The following TLL1 variants were observed in gnomAD, a reference collection of about 807,000 sequenced individuals.
TLL1 encodes the protein tolloid like 1.
TLL1 carries 49 observed loss-of-function variants against 128.2 expected under a neutral mutation model. That is an observed-to-expected ratio of 0.38 (90% CI 0.30 to 0.48). The LOEUF is 0.48. Ranked by LOEUF, TLL1 falls within the 20% of genes least tolerant of loss-of-function variation. TLL1 has a pLI of 0.96. For synonymous variants in TLL1, 454 were observed against 418.8 expected (o/e 1.08, Z -1.03); for missense variants, 1,123 against 1,242.0 (o/e 0.90, Z 1.44).
At chr4:165,916,839 T>C (rs1309545092) in intron 1 of TLL1, among the ~76,000 whole-genome samples, 3 of 152,172 alleles carry the variant, frequency 2.0e-5, no homozygotes, top group Non-Finnish European at 4.4e-5. Context: ...CAAGAATTTT[T>C]GCATGAATGC....
At chr4:166,063,259 A>G (rs1321128997) in intron 15 of TLL1, among the ~76,000 whole-genome samples, 1 of 152,202 alleles carries the variant, frequency 6.6e-6, no homozygotes, top group African/African-American at 2.4e-5. Flanking sequence ...ATCACTGGCC[A>G]TCAGAGAAAT....
At position 166,037,033 on chromosome 4, in the gene TLL1, G is replaced by A. The variant is rs117655030; in HGVS notation, c.1159-2306G>A. Among the ~76,000 whole-genome samples, 69 of 152,184 alleles carry A rather than the reference G, an allele frequency of 4.5e-4. 1 individual carries two copies. The East Asian group carries it at 0.011, about 25-fold the overall frequency. ...GAACGTGAGCCCTGGGGGAGTCTCTGTTTGTGTCTATATTCAAGTTTTGCT... is the reference window on the plus strand; with the variant it reads ...GAACGTGAGCCCTGGGGGAGTCTCTATTTGTGTCTATATTCAAGTTTTGCT... On this transcript the variant is annotated intron_variant, in intron 9 of 20. Coordinates refer to ENST00000061240, the MANE Select transcript of TLL1 (RefSeq NM_012464.5).
chr4:165,924,740 T>A (rs1230541854), intron 1 of TLL1, among the ~76,000 whole-genome samples: 3 of 152,166 alleles, frequency 2.0e-5, no homozygotes, highest in African/African-American at 7.2e-5. Flanking sequence ...ATCTAGGACT[T>A]TCATAGTTAG....
chr4:166,024,697 C>CT (rs1560818987), intron 8 of TLL1, among the ~76,000 whole-genome samples: 2 of 151,762 alleles, frequency 1.3e-5, no homozygotes, highest in Non-Finnish European at 2.9e-5. Context: ...ACACAAATTG[C>CT]TTTTTTAGCA....
intron 5 of TLL1, among the ~76,000 whole-genome samples, chr4:165,996,671 A>G (rs1012303344): frequency 1.3e-5 from 2 of 152,152 alleles, no homozygotes; most frequent in African/African-American, 4.8e-5. Context: ...ACACACAATA[A>G]AAGAATGTTA....
intron 1 of TLL1, among the ~76,000 whole-genome samples, chr4:165,923,446 TGA>T (rs1733134201): frequency 1.5e-5 from 2 of 136,136 alleles, no homozygotes; most frequent in Admixed American, 7.6e-5. Context: ...TTTTTTTTTT[TGA>T]GACAGAGTCT....
At position 166,095,274 on chromosome 4, in the gene TLL1, C is replaced by T. The variant is rs113041487; in HGVS notation, c.2656+3933C>T. On this transcript the variant is annotated intron_variant, in intron 19 of 20. Coordinates refer to ENST00000061240, the MANE Select transcript of TLL1 (RefSeq NM_012464.5). ...TCTTTACAAGTCAAAAAAAAGTCCA[C>T]GGAAAATGGACTTAATTGGAAAGAG... Among the ~76,000 whole-genome samples, 135 of 152,100 alleles carry T rather than the reference C, an allele frequency of 8.9e-4. 1 individual carries two copies. Among genetic ancestry groups the T allele is most frequent in the Middle Eastern group, 6.8e-3 (2 of 294 alleles).
chr4:166,098,347 A>AAT (rs1385099881), intron 19 of TLL1, among the ~76,000 whole-genome samples: 8 of 151,542 alleles, frequency 5.3e-5, no homozygotes, highest in Non-Finnish European at 1.2e-4. Flanking sequence ...AAAAAAAAAA[A>AAT]AAAAAAAAGC....
intron 1 of TLL1, among the ~76,000 whole-genome samples, chr4:165,894,529 T>C (rs1323470694): frequency 6.6e-6 from 1 of 152,200 alleles, no homozygotes; most frequent in Non-Finnish European, 1.5e-5. Flanking sequence ...ATATACAAAA[T>C]CTGAAAGACT....
At chr4:165,962,457 C>T (rs185910850) in intron 1 of TLL1, among the ~76,000 whole-genome samples, 111 of 152,230 alleles carry the variant, frequency 7.3e-4, no homozygotes, top group Middle Eastern at 3.4e-3. Flanking sequence ...GAATGAAACC[C>T]TTACACACTG....
chr4:165,977,216 C>T lies in TLL1; in HGVS notation c.170-12165C>T, dbSNP rs540508773. ...CAATCTCCACATGTCGAGGGCAGAACCTGGTGGGAGGTGATTGGATCATGG... is the reference window on the plus strand; with the variant it reads ...CAATCTCCACATGTCGAGGGCAGAATCTGGTGGGAGGTGATTGGATCATGG... On this transcript the variant is annotated intron_variant, in intron 1 of 20. Coordinates refer to ENST00000061240, the MANE Select transcript of TLL1 (RefSeq NM_012464.5). 4.6e-5 allele frequency among the ~76,000 whole-genome samples: 7 copies of T among 152,210 alleles called. No homozygotes were observed. In the South Asian group the frequency reaches 1.5e-3, roughly 32 times the overall value.
chr4:166,000,782 G>T (rs906404383), intron 5 of TLL1, among the ~76,000 whole-genome samples: 34 of 151,446 alleles, frequency 2.2e-4, no homozygotes, highest in Non-Finnish European at 5.0e-4. Flanking sequence ...TACATAATAG[G>T]TACCTATATA....
At chr4:165,936,754 C>T (rs745973076) in intron 1 of TLL1, among the ~76,000 whole-genome samples, 2 of 151,956 alleles carry the variant, frequency 1.3e-5, no homozygotes, top group Non-Finnish European at 2.9e-5. Flanking sequence ...ATGGTGAAAC[C>T]TTGTCTCTAC....
chr4:165,965,498 A>C (rs1351387768), intron 1 of TLL1, among the ~76,000 whole-genome samples: 1 of 152,150 alleles, frequency 6.6e-6, no homozygotes, highest in African/African-American at 2.4e-5. Flanking sequence ...CTTTCTTAGC[A>C]CAGTATTTTT....
chr4:165,919,802 T>G, intron 1 of TLL1: 1 of 456,144 alleles, frequency 2.2e-6, no homozygotes, highest in Non-Finnish European at 4.4e-6. Context: ...AAACACTCAC[T>G]CTGGGATACT....
At chr4:166,080,457 A>C (rs759741894) in intron 18 of TLL1, among the ~76,000 whole-genome samples, 25 of 152,150 alleles carry the variant, frequency 1.6e-4, no homozygotes, top group Admixed American at 3.3e-4. Context: ...TAGAACCTTT[A>C]ACTTATCAAT....
intron 1 of TLL1, among the ~76,000 whole-genome samples, chr4:165,951,622 C>T (rs528292568): frequency 1.3e-5 from 2 of 152,182 alleles, no homozygotes; most frequent in South Asian, 4.2e-4. Flanking sequence ...AGATGTGTTA[C>T]CCTAATGACA....
At chr4:165,951,223 C>G (rs568389689) in intron 1 of TLL1, among the ~76,000 whole-genome samples, 1 of 152,082 alleles carries the variant, frequency 6.6e-6, no homozygotes, top group Non-Finnish European at 1.5e-5. Context: ...GAATAGCCTA[C>G]ACCTATTAAA....
chr4:166,075,246 T>C (rs1740971268), intron 17 of TLL1, among the ~76,000 whole-genome samples: 1 of 152,196 alleles, frequency 6.6e-6, no homozygotes, highest in Admixed American at 6.6e-5. Flanking sequence ...TAGGATACCA[T>C]CTGGTAGCCA....
Sources: allele counts gnomAD v4.1 joint callset (sites outside exome capture counted in the v4.1 genomes callset), GRCh38; gene constraint gnomAD v4.1.1; transcripts MANE v1.5; gene names NCBI Gene and HGNC (gene_info 2026-07-23, HGNC 2026-07-21).